CACNA1D: variants seen among roughly 807,000 people sequenced by gnomAD.
CACNA1D encodes voltage-dependent L-type calcium channel subunit alpha-1D.
Under a neutral mutation model 257.1 loss-of-function variants are expected in CACNA1D, and 55 were observed. The observed-to-expected ratio is 0.21, with a 90% CI of 0.17 to 0.27. The LOEUF (loss-of-function observed/expected upper bound fraction) is 0.27, where lower values mean the gene tolerates loss of function less well. Ranked by LOEUF, CACNA1D falls within the 10% of genes least tolerant of loss-of-function variation. CACNA1D has a pLI of 1.00. For synonymous variants in CACNA1D, 980 were observed against 1,014.9 expected, an observed-to-expected ratio of 0.97 and a Z score of 0.65; for missense variants, 1,876 against 2,784.0, an observed-to-expected ratio of 0.67 and a Z score of 7.34.
chr3:53,669,723 C>A (rs1317260449), intron 7 of CACNA1D, among the ~76,000 whole-genome samples: 1 of 152,160 alleles, frequency 6.6e-6, no homozygotes, highest in Non-Finnish European at 1.5e-5. Context: ...TCATTAAGTT[C>A]TGGTGGAAAG....
rs1297761244 is a variant in CACNA1D, at chr3:53,745,805, T to G, written c.3115-18T>G. ...AGAAGCCTGCATTTACTTAACTGCC[T>G]GTCTATTTTATACCCAGGGGAAGTT... is the stretch of plus-strand genomic sequence containing the variant. On this transcript the variant is annotated intron_variant, in intron 24 of 47. Transcript: ENST00000350061. 2.5e-6 allele frequency: 4 copies of G among 1,611,990 alleles called. No homozygotes were observed. The highest frequency in any genetic ancestry group is 3.4e-6 in the Non-Finnish European group (4 of 1,178,108).
chr3:53,539,272 A>G (rs1303322659), intron 3 of CACNA1D, among the ~76,000 whole-genome samples: 4 of 151,704 alleles, frequency 2.6e-5, no homozygotes, highest in African/African-American at 9.7e-5. Context: ...ACCATGCCTG[A>G]CTAATTTTTG....
chr3:53,768,937 G>A (rs1237191696), intron 30 of CACNA1D, among the ~76,000 whole-genome samples: 1 of 152,188 alleles, frequency 6.6e-6, no homozygotes, highest in Non-Finnish European at 1.5e-5. Flanking sequence ...GCCCCTAACC[G>A]GAAGAGCCTC....
chr3:53,585,295 A>T (rs1370413481), intron 3 of CACNA1D, among the ~76,000 whole-genome samples: 1 of 152,102 alleles, frequency 6.6e-6, no homozygotes, highest in Non-Finnish European at 1.5e-5. Context: ...GCAGATTCTT[A>T]CTTAGGGAGC....
intron 16 of CACNA1D, 31 bp downstream of exon 16, chr3:53,730,587 C>A: frequency 1.3e-6 from 2 of 1,511,594 alleles, no homozygotes; most frequent in Non-Finnish European, 1.8e-6. Context: ...CGTGTTTGTC[C>A]AGGGGCTGTG....
intron 3 of CACNA1D, among the ~76,000 whole-genome samples, chr3:53,601,128 C>G (rs776939822): frequency 6.6e-6 from 1 of 152,120 alleles, no homozygotes. Context: ...GCCTGTGCCC[C>G]CTTCGGAGAC....
intron 9 of CACNA1D, among the ~76,000 whole-genome samples, chr3:53,705,962 C>T (rs1300632937): frequency 6.6e-6 from 1 of 152,202 alleles, no homozygotes; most frequent in African/African-American, 2.4e-5. Context: ...ATGCACATGC[C>T]AGGTCTGGGG....
chr3:53,755,168 C>T (rs910791871), intron 29 of CACNA1D, among the ~76,000 whole-genome samples: 3 of 152,184 alleles, frequency 2.0e-5, no homozygotes, highest in Admixed American at 2.0e-4. Flanking sequence ...AAAGTAAGAA[C>T]ATCGAAGGTA....
chr3:53,797,495 G>A (rs2095513089), intron 40 of CACNA1D, among the ~76,000 whole-genome samples: 1 of 152,136 alleles, frequency 6.6e-6, no homozygotes, highest in South Asian at 2.1e-4. Flanking sequence ...CTCCTCTAAT[G>A]TCTCTTTAAT....
intron 3 of CACNA1D, among the ~76,000 whole-genome samples, chr3:53,575,197 C>T (rs1467231102): frequency 6.6e-6 from 1 of 152,094 alleles, no homozygotes; most frequent in Non-Finnish European, 1.5e-5. Flanking sequence ...ATGTTGCGAG[C>T]GTGATACCCG....
At chr3:53,561,294 T>G (rs1382097195) in intron 3 of CACNA1D, among the ~76,000 whole-genome samples, 1 of 152,206 alleles carries the variant, frequency 6.6e-6, no homozygotes, top group Non-Finnish European at 1.5e-5. Flanking sequence ...ATTGAAAGCC[T>G]TATACTTTAA....
chr3:53,514,186 C>T (rs990984886), intron 3 of CACNA1D, among the ~76,000 whole-genome samples: 3 of 152,042 alleles, frequency 2.0e-5, no homozygotes, highest in Non-Finnish European at 4.4e-5. Context: ...TGCACGAGGC[C>T]GTGCTCCTGG....
intron 3 of CACNA1D, among the ~76,000 whole-genome samples, chr3:53,586,430 G>A (rs1167822482): frequency 6.8e-6 from 1 of 147,808 alleles, no homozygotes; most frequent in Non-Finnish European, 1.5e-5. Flanking sequence ...GAGGTAACAA[G>A]TCCTCACCTA....
intron 3 of CACNA1D, among the ~76,000 whole-genome samples, chr3:53,523,697 G>GC (rs1253487644): frequency 1.3e-5 from 2 of 152,170 alleles, no homozygotes; most frequent in Non-Finnish European, 2.9e-5. Context: ...CTGCCTTCAG[G>GC]CCCCCCTTTG....
At chr3:53,653,038 G>A (rs1417625302) in intron 4 of CACNA1D, among the ~76,000 whole-genome samples, 3 of 152,146 alleles carry the variant, frequency 2.0e-5, no homozygotes, top group African/African-American at 7.2e-5. Flanking sequence ...ATCACCTGAG[G>A]TCGGGAGTTC....
At chr3:53,526,195 G>A (rs142376556) in intron 3 of CACNA1D, among the ~76,000 whole-genome samples, 5 of 152,344 alleles carry the variant, frequency 3.3e-5, no homozygotes, top group East Asian at 3.9e-4. Context: ...CACTGCTGAC[G>A]TGGGGCCAGG....
chr3:53,648,401 C>A (rs2094045670), intron 3 of CACNA1D, among the ~76,000 whole-genome samples: 1 of 152,102 alleles, frequency 6.6e-6, no homozygotes, highest in South Asian at 2.1e-4. Context: ...TAACAGAGTT[C>A]CTTTTTCTTT....
chr3:53,628,601 G>T (rs1018680901), intron 3 of CACNA1D, among the ~76,000 whole-genome samples: 1 of 152,134 alleles, frequency 6.6e-6, no homozygotes, highest in Admixed American at 6.5e-5. Flanking sequence ...GAGGGATCAG[G>T]TCCTTCAAGG....
At chr3:53,501,040 GCT>G (rs1206596366) in intron 2 of CACNA1D, among the ~76,000 whole-genome samples, 3 of 152,246 alleles carry the variant, frequency 2.0e-5, no homozygotes, top group Admixed American at 2.0e-4. Context: ...CTGGCTCGCT[GCT>G]GATCACATCT....
Sources: gnomAD v4.1 joint callset for allele counts (sites outside exome capture counted in the v4.1 genomes callset) on GRCh38, gnomAD v4.1.1 for gene constraint, MANE v1.5 for transcripts, NCBI Gene and HGNC (gene_info 2026-07-23, HGNC 2026-07-21) for gene names.